The following CTNNA3 variants were observed in gnomAD, a reference collection of about 807,000 sequenced individuals.
The protein encoded by CTNNA3 is catenin alpha-3.
In CTNNA3, 76 loss-of-function variants were observed where a neutral mutation model predicts 95.7. The observed-to-expected ratio is 0.79, with a 90% confidence interval of 0.66 to 0.96. The LOEUF is 0.96. CTNNA3 is among the 40% of genes least tolerant of loss of function. CTNNA3 has a pLI of 0.00. For missense variants in CTNNA3, 1,191 were observed against 1,089.8 expected (o/e 1.09, Z -1.31); for synonymous variants, 431 against 374.4 (o/e 1.15, Z -1.74).
At chr10:66,622,167 G>A (rs1458505852) in intron 9 of CTNNA3, among the ~76,000 whole-genome samples, 1 of 151,974 alleles carries the variant, frequency 6.6e-6, no homozygotes, top group Non-Finnish European at 1.5e-5. Flanking sequence ...ATTTGTAATT[G>A]GTTTATTATT....
intron 13 of CTNNA3, among the ~76,000 whole-genome samples, chr10:66,166,960 G>A (rs973602443): frequency 3.3e-5 from 5 of 152,116 alleles, no homozygotes; most frequent in Admixed American, 3.3e-4. Flanking sequence ...ACAATGGGAG[G>A]TTGGAGAGGT....
At position 66,702,902 on chromosome 10, in the gene CTNNA3, C is replaced by A. The variant is rs775220880; in HGVS notation, c.1281+63362G>T. On this transcript the variant is annotated intron_variant, in intron 9 of 17. Transcript: ENST00000433211. ...TTTACCTTATCCATAGGAACTTTTTCTTCAGTGTTAACAATGTCATTTTAA... is the reference window on the plus strand; with the variant it reads ...TTTACCTTATCCATAGGAACTTTTTATTCAGTGTTAACAATGTCATTTTAA... Among the ~76,000 whole-genome samples, 26 of 151,952 alleles carry A rather than the reference C, an allele frequency of 1.7e-4. 1 individual carries two copies. Among genetic ancestry groups the A allele is most frequent in the Non-Finnish European group, 2.8e-4 (19 of 67,980 alleles).
chr10:66,206,866 A>C (rs1264762060), intron 13 of CTNNA3, among the ~76,000 whole-genome samples: 1 of 151,912 alleles, frequency 6.6e-6, no homozygotes, highest in Non-Finnish European at 1.5e-5. Context: ...CTACCTCAAC[A>C]GCCTGCCTTT....
At chr10:67,391,039 T>G (rs1844452035) in intron 5 of CTNNA3, among the ~76,000 whole-genome samples, 1 of 151,922 alleles carries the variant, frequency 6.6e-6, no homozygotes, top group African/African-American at 2.4e-5. Flanking sequence ...CAACATAGTG[T>G]TGGAAGTTCT....
intron 7 of CTNNA3, among the ~76,000 whole-genome samples, chr10:66,919,420 T>A (rs1464540627): frequency 6.6e-6 from 1 of 152,184 alleles, no homozygotes; most frequent in Non-Finnish European, 1.5e-5. Context: ...TTGGCTAGAT[T>A]TCTGTATTCC....
chr10:67,635,377 T>G (rs1839274873), intron 2 of CTNNA3, among the ~76,000 whole-genome samples: 1 of 152,086 alleles, frequency 6.6e-6, no homozygotes. Flanking sequence ...CAAATAAAAC[T>G]TCAGGCCAAA....
intron 1 of CTNNA3, among the ~76,000 whole-genome samples, chr10:67,702,333 G>C (rs1239025255): frequency 2.0e-5 from 3 of 151,966 alleles, no homozygotes; most frequent in Non-Finnish European, 4.4e-5. Flanking sequence ...ATTTTTTTCA[G>C]CACCACACCA....
intron 12 of CTNNA3, among the ~76,000 whole-genome samples, chr10:66,344,663 C>A (rs2092487614): frequency 6.6e-6 from 1 of 151,982 alleles, no homozygotes; most frequent in African/African-American, 2.4e-5. Context: ...ATACCACTAC[C>A]CTTATGATCT....
intron 13 of CTNNA3, among the ~76,000 whole-genome samples, chr10:66,212,896 G>A (rs1226047243): frequency 1.3e-5 from 2 of 152,052 alleles, no homozygotes; most frequent in South Asian, 2.1e-4. Flanking sequence ...CCAGCTATGC[G>A]GGAGGCTGAG....
intron 16 of CTNNA3, among the ~76,000 whole-genome samples, 195 bp downstream of exon 16, chr10:65,988,497 A>G (rs999877521): frequency 2.6e-5 from 4 of 152,200 alleles, no homozygotes; most frequent in African/African-American, 9.6e-5. Flanking sequence ...AGCTAAAAAT[A>G]TCTGCCCTAA....
At chr10:67,111,572 G>A (rs1858910710) in intron 7 of CTNNA3, among the ~76,000 whole-genome samples, 1 of 151,890 alleles carries the variant, frequency 6.6e-6, no homozygotes, top group African/African-American at 2.4e-5. Context: ...AGCTTGTTAA[G>A]GACAATTGCT....
intron 7 of CTNNA3, among the ~76,000 whole-genome samples, chr10:67,085,967 CTCA>C (rs143181670): frequency 1.3e-5 from 2 of 152,110 alleles, no homozygotes; most frequent in East Asian, 3.9e-4. Flanking sequence ...TCCCTCCACT[CTCA>C]TCATATCCTA....
intron 13 of CTNNA3, among the ~76,000 whole-genome samples, chr10:66,113,868 C>A (rs60989399): frequency 1.3e-5 from 2 of 152,032 alleles, no homozygotes; most frequent in South Asian, 2.1e-4. Flanking sequence ...GGGTTCTTCA[C>A]GCACAGCAAT....
intron 1 of CTNNA3, among the ~76,000 whole-genome samples, chr10:67,762,964 A>T (rs2131761419): frequency 6.6e-6 from 1 of 152,228 alleles, no homozygotes; most frequent in East Asian, 1.9e-4. Flanking sequence ...GTGGGACAGG[A>T]ATTGCTTACT....
intron 10 of CTNNA3, among the ~76,000 whole-genome samples, chr10:66,601,773 T>C (rs567433832): frequency 2.7e-4 from 41 of 152,046 alleles, no homozygotes; most frequent in African/African-American, 9.9e-4. Context: ...GTACATATAA[T>C]AGACTTAGTG....
intron 5 of CTNNA3, among the ~76,000 whole-genome samples, chr10:67,393,875 T>C (rs1056706308): frequency 6.6e-6 from 1 of 152,204 alleles, no homozygotes; most frequent in Admixed American, 6.5e-5. Context: ...AGTATTCTCA[T>C]TTCTTGTGAT....
chr10:65,929,370 G>C (rs1475174801), intron 17 of CTNNA3, among the ~76,000 whole-genome samples: 2 of 152,092 alleles, frequency 1.3e-5, no homozygotes, highest in African/African-American at 4.8e-5. Context: ...CTGTGTTTGA[G>C]TCCCAACTCT....
chr10:67,485,967 T>C (rs1848432420), intron 5 of CTNNA3, among the ~76,000 whole-genome samples: 1 of 152,234 alleles, frequency 6.6e-6, no homozygotes, highest in Non-Finnish European at 1.5e-5. Flanking sequence ...TAATGCCGTA[T>C]CTTCTGCTAT....
At chr10:67,534,883 G>A (rs989464454) in intron 4 of CTNNA3, among the ~76,000 whole-genome samples, 4 of 152,062 alleles carry the variant, frequency 2.6e-5, no homozygotes. Context: ...CAGAATGAGG[G>A]TTTAAACTAA....
Sources: gnomAD v4.1 joint callset for allele counts (sites outside exome capture counted in the v4.1 genomes callset) on GRCh38, gnomAD v4.1.1 for gene constraint, MANE v1.5 for transcripts, NCBI Gene and HGNC (gene_info 2026-07-23, HGNC 2026-07-21) for gene names.